The following CFH variants were observed in gnomAD, a reference collection of about 807,000 sequenced individuals.
The protein encoded by CFH is complement factor H.
CFH carries 53 observed loss-of-function variants against 147.3 expected under a neutral mutation model. The observed-to-expected ratio is 0.36, with a 90% CI of 0.29 to 0.45. The LOEUF (loss-of-function observed/expected upper bound fraction) is 0.45. Among genes scored for constraint, CFH ranks in the 20% least tolerant of loss-of-function variants. The probability of loss-of-function intolerance (pLI) is 1.00; values close to 1 mark genes in which losing one functional copy is unlikely to be tolerated. For synonymous variants in CFH, 536 were observed against 489.4 expected (o/e 1.10, Z -1.26); for missense variants, 1,380 against 1,498.0 (o/e 0.92, Z 1.30).
chr1:196,685,619 CA>C (rs1385055631), intron 7 of CFH, among the ~76,000 whole-genome samples: 1 of 152,048 alleles, frequency 6.6e-6, no homozygotes, highest in Admixed American at 6.6e-5. Context: ...TCAGTAATCT[CA>C]AAATGGCTTA....
At chr1:196,737,815 T>G (rs184739862) in intron 17 of CFH, among the ~76,000 whole-genome samples, 155 bp downstream of exon 17, 173 of 152,328 alleles carry the variant, frequency 1.1e-3, no homozygotes, top group African/African-American at 3.9e-3. Flanking sequence ...TTGAATCTAT[T>G]CTATTTATGT....
Position 196,726,930 on chromosome 1 carries a change from C to T in CFH, c.2226C>T (p.Pro742=), listed in dbSNP as rs1344655171. The change falls in exon 14 of 22, where the codon CCC becomes CCT. Residue 742 remains proline, a synonymous_variant. Coordinates refer to ENST00000367429, the MANE Select transcript of CFH (RefSeq NM_000186.4). ...TTCATGGAGTATGGACCCAACTTCC[C>T]CAGTGTGTGGGTGAGAATACCCTTC... is the stretch of plus-strand genomic sequence containing the variant. ...TCIHGVWTQL[P]QCVAIDKLKK... 2.5e-6 allele frequency: 4 copies of T among 1,612,772 alleles called. No homozygotes were observed.
intron 11 of CFH, among the ~76,000 whole-genome samples, chr1:196,717,858 C>T (rs1003962145): frequency 7.9e-5 from 12 of 151,960 alleles, no homozygotes; most frequent in Non-Finnish European, 1.6e-4. Context: ...AACCTTGTGA[C>T]AGGTGGCAAC....
chr1:196,666,730 T>G (rs2149073477), intron 1 of CFH, among the ~76,000 whole-genome samples: 1 of 144,344 alleles, frequency 6.9e-6, no homozygotes, highest in East Asian at 2.0e-4. Context: ...GAGAATGGCG[T>G]GAACCCAGGA....
chr1:196,690,183 C>G lies in CFH; in HGVS notation c.1280C>G (p.Thr427Ser). 6.2e-7 allele frequency: 1 copy of G among 1,613,416 alleles called. No individual in the cohort carries two copies. The highest frequency in any genetic ancestry group is 1.1e-5 in the South Asian group (1 of 91,072). ...GGCTACGCTCTTCCAAAAGCGCAGACCACAGTTACATGTATGGAGAATGGC... is the reference window on the plus strand; with the variant it reads ...GGCTACGCTCTTCCAAAAGCGCAGAGCACAGTTACATGTATGGAGAATGGC... The part of the protein sequence containing the change: ...HPGYALPKAQ[T>S]TVTCMENGWS... The change falls in exon 9 of 22, where the codon ACC becomes AGC. Residue 427 changes from threonine (T) to serine (S), a missense_variant. By Grantham distance (58) the Thr-to-Ser change is moderately conservative (BLOSUM62 1). This residue lies in a region of CFH where 830 missense variants were observed against 821.4 expected (regional missense o/e 1.01). Coordinates refer to ENST00000367429, the MANE Select transcript of CFH (RefSeq NM_000186.4).
chr1:196,697,719 G>A (rs950660923), intron 9 of CFH, among the ~76,000 whole-genome samples: 29 of 151,854 alleles, frequency 1.9e-4, no homozygotes, highest in African/African-American at 4.8e-4. Flanking sequence ...TGTTTATTGC[G>A]GCACTATTCA....
chr1:196,746,446 G>T (rs1469627884), intron 21 of CFH, among the ~76,000 whole-genome samples: 1 of 152,062 alleles, frequency 6.6e-6, no homozygotes, highest in African/African-American at 2.4e-5. Flanking sequence ...GCGAGACTCC[G>T]TCTCAATAAA....
intron 4 of CFH, chr1:196,676,904 A>G (rs78218196): frequency 6.5e-6 from 1 of 152,708 alleles, no homozygotes; most frequent in East Asian, 1.9e-4. Context: ...TGGGGTGAGC[A>G]TGCAGGAAGA....
intron 3 of CFH, 142 bp downstream of exon 3, chr1:196,674,104 G>A: frequency 1.6e-6 from 1 of 639,560 alleles, no homozygotes; most frequent in Non-Finnish European, 2.7e-6. Context: ...TAACTATGAT[G>A]GAAATAATTA....
At position 196,673,368 on chromosome 1, in the gene CFH, C is replaced by T. The variant is rs1233336670; in HGVS notation, c.244+205C>T. ...GTGGCGCAATTTTGAGATGGAGTCT[C>T]CCTCTATCGCCTGGCTGGAGTGCAG... On this transcript the variant is annotated intron_variant, in intron 2 of 21. Transcript: ENST00000367429. The T allele has an allele frequency of 3.7e-5, 21 of 562,862 alleles. No homozygotes were observed. In the East Asian group the frequency reaches 6.4e-4, roughly 17 times the overall value. The allele number at this position is 562,862 out of a possible 1,614,324, so 34.9% of individuals were successfully genotyped here.
intron 1 of CFH, among the ~76,000 whole-genome samples, chr1:196,665,998 G>A (rs1403860135): frequency 6.6e-6 from 1 of 152,192 alleles, no homozygotes; most frequent in Non-Finnish European, 1.5e-5. Context: ...CATTGCCAAG[G>A]TTACTTGGCT....
intron 9 of CFH, among the ~76,000 whole-genome samples, chr1:196,697,627 C>A (rs1573038274): frequency 6.6e-6 from 1 of 152,280 alleles, no homozygotes; most frequent in East Asian, 1.9e-4. Flanking sequence ...ACTAGAAATA[C>A]CATTTGACCT....
intron 11 of CFH, among the ~76,000 whole-genome samples, chr1:196,717,009 G>T (rs1225416920): frequency 6.6e-6 from 1 of 151,866 alleles, no homozygotes; most frequent in African/African-American, 2.4e-5. Flanking sequence ...TCAAGATGAA[G>T]CCCTGAAACA....
intron 9 of CFH, among the ~76,000 whole-genome samples, chr1:196,699,766 C>T (rs961608604): frequency 6.6e-6 from 1 of 152,070 alleles, no homozygotes; most frequent in Non-Finnish European, 1.5e-5. Flanking sequence ...TATTGAATTG[C>T]CTTTGCTCCT....
chr1:196,703,905 A>C (rs1668521952), intron 9 of CFH, among the ~76,000 whole-genome samples: 2 of 139,438 alleles, frequency 1.4e-5, no homozygotes, highest in East Asian at 5.1e-4. Context: ...AACGGCGTGA[A>C]TCGGGGAGGC....
Position 196,697,348 on chromosome 1 carries a change from T to C in CFH, c.1336+7109T>C, listed in dbSNP as rs1299152253. On this transcript the variant is annotated intron_variant, in intron 9 of 21. Coordinates refer to ENST00000367429, the MANE Select transcript of CFH (RefSeq NM_000186.4). ...ACCCCATCAAAAAGTGGGTGAAGGATATGAACAGACACTTCTCAAAAGAAG... is the reference window on the plus strand; with the variant it reads ...ACCCCATCAAAAAGTGGGTGAAGGACATGAACAGACACTTCTCAAAAGAAG... 3.3e-5 allele frequency among the ~76,000 whole-genome samples: 5 copies of C among 152,230 alleles called. No individual in the cohort carries two copies. In the South Asian group the frequency reaches 6.2e-4, roughly 19 times the overall value.
chr1:196,718,646 A>G (rs966636275), intron 11 of CFH, among the ~76,000 whole-genome samples: 1 of 152,116 alleles, frequency 6.6e-6, no homozygotes, highest in Admixed American at 6.6e-5. Context: ...TTATGAAGCC[A>G]GAAGCTTTTA....
chr1:196,746,437 C>G (rs965016762), intron 21 of CFH, among the ~76,000 whole-genome samples: 6 of 152,246 alleles, frequency 3.9e-5, no homozygotes, highest in Non-Finnish European at 7.3e-5. Flanking sequence ...GGTGACAAAG[C>G]GAGACTCCGT....
chr1:196,714,697 A>G (rs1668822125), intron 10 of CFH, among the ~76,000 whole-genome samples: 2 of 120,606 alleles, frequency 1.7e-5, no homozygotes, highest in African/African-American at 6.4e-5. Context: ...AGAGAGAGAG[A>G]GAGAGAGAGA....
Sources: allele counts gnomAD v4.1 joint callset (sites outside exome capture counted in the v4.1 genomes callset), GRCh38; gene constraint gnomAD v4.1.1; regional missense constraint gnomAD v4.1.1; transcripts MANE v1.5; gene names NCBI Gene and HGNC (gene_info 2026-07-23, HGNC 2026-07-21).